Variants in PHAF1 observed in about 807,000 individuals in gnomAD.
PHAF1 encodes the protein phagosome assembly factor 1.
PHAF1 carries 23 observed loss-of-function variants against 63.1 expected under a neutral mutation model. The ratio of observed to expected loss-of-function variants is 0.36; its 90% confidence interval spans 0.26 to 0.52. The LOEUF (loss-of-function observed/expected upper bound fraction) is 0.52, where lower values mean the gene tolerates loss of function less well. Ranked by LOEUF, PHAF1 falls within the 20% of genes least tolerant of loss-of-function variation. PHAF1 has a pLI of 0.93. For missense variants in PHAF1, 427 were observed against 517.2 expected (o/e 0.83, Z 1.69); for synonymous variants, 167 against 185.0 (o/e 0.90, Z 0.79).
chr16:67,143,864 G>C (rs919617035), intron 10 of PHAF1, among the ~76,000 whole-genome samples: 1 of 151,992 alleles, frequency 6.6e-6, no homozygotes, highest in Non-Finnish European at 1.5e-5. Context: ...CGAGGTGGGC[G>C]GATCACCTGA....
intron 2 of PHAF1, among the ~76,000 whole-genome samples, chr16:67,124,388 A>T (rs552057940): frequency 6.6e-6 from 1 of 152,324 alleles, no homozygotes; most frequent in African/African-American, 2.4e-5. Context: ...GCCAAGCATG[A>T]TGGTACTATC....
At chr16:67,125,058 C>T (rs1235469933) in intron 2 of PHAF1, among the ~76,000 whole-genome samples, 3 of 152,066 alleles carry the variant, frequency 2.0e-5, no homozygotes, top group Admixed American at 2.0e-4. Context: ...TGCATTGGAC[C>T]AGAAGCATGC....
At chr16:67,117,978 A>T (rs1451048235) in intron 1 of PHAF1, among the ~76,000 whole-genome samples, 1 of 142,952 alleles carries the variant, frequency 7.0e-6, no homozygotes, top group African/African-American at 2.7e-5. Context: ...TTTTTGAGAT[A>T]GAGTCTCGCT....
At position 67,131,030 on chromosome 16, in the gene PHAF1, A is replaced by G. The variant is rs536538558; in HGVS notation, c.232-256A>G. On this transcript the variant is annotated intron_variant, in intron 3 of 15. Coordinates refer to ENST00000219139, the MANE Select transcript of PHAF1 (RefSeq NM_025187.5). ...CACTTTGGGAGGCTAAGACAGGAGG[A>G]TCATTTGAGCCCAGGAGTTTGAGAC... Among the ~76,000 whole-genome samples the G allele has an allele frequency of 2.8e-4, 43 of 152,292 alleles. No homozygotes were observed. The South Asian group carries it at 8.7e-3, about 31-fold the overall frequency.
chr16:67,136,393 ACTT>A (rs1963608366), intron 8 of PHAF1: 3 of 151,810 alleles, frequency 2.0e-5, no homozygotes, highest in Admixed American at 1.3e-4. Context: ...TGCCTGGCCA[ACTT>A]CAGCTGCTTT....
intron 8 of PHAF1, 91 bp from the exon 9 acceptor site, chr16:67,139,893 T>C: frequency 6.9e-7 from 1 of 1,459,434 alleles, no homozygotes. Flanking sequence ...CCTAATAATG[T>C]AGCATGCAGC....
intron 2 of PHAF1, among the ~76,000 whole-genome samples, chr16:67,123,586 T>C (rs1395291890): frequency 6.6e-6 from 1 of 152,064 alleles, no homozygotes; most frequent in African/African-American, 2.4e-5. Flanking sequence ...AAAAATTTTT[T>C]TGTAGAGACA....
intron 2 of PHAF1, among the ~76,000 whole-genome samples, chr16:67,123,531 C>T (rs574456534): frequency 2.0e-5 from 3 of 152,170 alleles, no homozygotes; most frequent in South Asian, 4.2e-4. Context: ...GAGCCAAGAT[C>T]GTGCCACTGC....
intron 3 of PHAF1, among the ~76,000 whole-genome samples, chr16:67,130,910 A>G (rs527717904): frequency 6.6e-6 from 1 of 152,270 alleles, no homozygotes; most frequent in South Asian, 2.1e-4. Context: ...GCTGAAGGGG[A>G]CACTGGCTAT....
At chr16:67,117,558 C>T (rs750818590) in intron 1 of PHAF1, among the ~76,000 whole-genome samples, 4 of 151,190 alleles carry the variant, frequency 2.6e-5, no homozygotes, top group Non-Finnish European at 5.9e-5. Context: ...CGGTGGATCA[C>T]GAGGTCAGGA....
At chr16:67,110,645 C>A (rs942506091) in intron 1 of PHAF1, among the ~76,000 whole-genome samples, 2 of 152,166 alleles carry the variant, frequency 1.3e-5, no homozygotes, top group Admixed American at 1.3e-4. Flanking sequence ...CCCCTCTGAT[C>A]ATCACTGTGG....
chr16:67,122,617 T>C (rs1410635675), intron 2 of PHAF1, among the ~76,000 whole-genome samples: 1 of 152,060 alleles, frequency 6.6e-6, no homozygotes, highest in Non-Finnish European at 1.5e-5. Context: ...AATCCTGATT[T>C]AGATCTCTGC....
At chr16:67,136,554 C>CTTTTTTTTTTTTTTTTT (rs34174571) in intron 8 of PHAF1, among the ~76,000 whole-genome samples, 1 of 60,462 alleles carries the variant, frequency 1.7e-5, no homozygotes, top group Non-Finnish European at 3.0e-5. Context: ...GCATTGATTC[C>CTTTTTTTTTTTTTTTTT]TTTTTTTTTT....
At position 67,134,262 on chromosome 16, in the gene PHAF1, C is replaced by T; in HGVS notation, c.545C>T (p.Thr182Ile). The T allele has an allele frequency of 6.2e-7, 1 of 1,612,532 alleles. No homozygotes were observed. The highest frequency in any genetic ancestry group is 8.5e-7 in the Non-Finnish European group (1 of 1,178,550). The change falls in exon 7 of 16, where the codon ACC becomes ATC. Residue 182 changes from threonine (T) to isoleucine (I), a missense_variant. Coordinates refer to ENST00000219139, the MANE Select transcript of PHAF1 (RefSeq NM_025187.5). Reference protein sequence around the residue: ...YIYSGNSLQDTKAPMMPLSCF... With the variant: ...YIYSGNSLQDIKAPMMPLSCF... ...TACAGTGGCAACAGCCTGCAGGATA[C>T]CAAGTAAGTATAAGGAGCATGAGTT... is the stretch of plus-strand genomic sequence containing the variant.
At chr16:67,116,201 T>G (rs1962725535) in intron 1 of PHAF1, among the ~76,000 whole-genome samples, 1 of 152,198 alleles carries the variant, frequency 6.6e-6, no homozygotes, top group Non-Finnish European at 1.5e-5. Context: ...CAAACATTTA[T>G]TGAGTCCCTA....
chr16:67,124,303 A>T (rs1042178342), intron 2 of PHAF1, among the ~76,000 whole-genome samples: 4 of 152,258 alleles, frequency 2.6e-5, no homozygotes, highest in African/African-American at 9.6e-5. Context: ...TTGTTCCATT[A>T]TCTTGCTTGA....
chr16:67,128,105 GA>G (rs11312032), intron 3 of PHAF1, among the ~76,000 whole-genome samples: 149,034 of 152,278 alleles, frequency 0.98, 72,944 homozygotes, highest in East Asian at 1. Context: ...ACCCGCCTGT[GA>G]AGTAGGTACT....
At chr16:67,136,912 T>C (rs1028257037) in intron 8 of PHAF1, among the ~76,000 whole-genome samples, 2 of 152,044 alleles carry the variant, frequency 1.3e-5, no homozygotes, top group Non-Finnish European at 2.9e-5. Context: ...ATCCCAGCAC[T>C]TTGGGAGGCC....
rs573637159 is a variant in PHAF1 at position 67,124,901 on chromosome 16, C to CAA, written c.148-1042_148-1041dup. 2.5e-3 allele frequency among the ~76,000 whole-genome samples: 267 copies of CAA among 106,712 alleles called. 2 individuals are homozygous for CAA. Among genetic ancestry groups the CAA allele is most frequent in the Non-Finnish European group, 4.6e-3 (229 of 49,840 alleles). The allele number at this position is 106,712 out of a possible 152,430, so 70.0% of individuals were successfully genotyped here. On this transcript the variant is annotated intron_variant, in intron 2 of 15. Coordinates refer to ENST00000219139, the MANE Select transcript of PHAF1 (RefSeq NM_025187.5). ...CTGGGCAACAGAGAGAGACTTCATC[C>CAA]AAAAAAAAAAAAAAAAAGTAACTAA... is the stretch of plus-strand genomic sequence containing the variant.
Sources: allele counts gnomAD v4.1 joint callset (sites outside exome capture counted in the v4.1 genomes callset), GRCh38; gene constraint gnomAD v4.1.1; transcripts MANE v1.5; gene names NCBI Gene and HGNC (gene_info 2026-07-23, HGNC 2026-07-21).